PDLIM1: variants seen among roughly 807,000 people sequenced by gnomAD.
PDLIM1 encodes the protein PDZ and LIM domain protein 1.
A neutral mutation model predicts 35.2 loss-of-function variants in PDLIM1; 25 were observed. That is an observed-to-expected ratio of 0.71 (90% confidence interval 0.52 to 0.99). PDLIM1 has a LOEUF of 0.99. Ranked by LOEUF, PDLIM1 falls within the 50% of genes least tolerant of loss-of-function variation. The pLI is 0.00. For synonymous variants in PDLIM1, 152 were observed against 154.0 expected, an observed-to-expected ratio of 0.99 and a Z score of 0.10; for missense variants, 363 against 415.3, an observed-to-expected ratio of 0.87 and a Z score of 1.09.
chr10:95,282,704 C>A (rs529131875), intron 1 of PDLIM1, among the ~76,000 whole-genome samples: 71 of 152,208 alleles, frequency 4.7e-4, no homozygotes, highest in Non-Finnish European at 8.4e-4. Context: ...CTTTGGGAGG[C>A]CGAGATGGGC....
chr10:95,248,593 T>A (rs181462752), intron 4 of PDLIM1, among the ~76,000 whole-genome samples: 3 of 152,358 alleles, frequency 2.0e-5, no homozygotes, highest in Non-Finnish European at 2.9e-5. Context: ...ATGCTGTGGC[T>A]CAATGTATTC....
chr10:95,277,903 T>C (rs2035526772), intron 1 of PDLIM1, among the ~76,000 whole-genome samples: 1 of 152,196 alleles, frequency 6.6e-6, no homozygotes, highest in Non-Finnish European at 1.5e-5. Context: ...CTAACTGGTG[T>C]AAATAAAATC....
intron 2 of PDLIM1, among the ~76,000 whole-genome samples, chr10:95,270,917 A>C (rs1452941561): frequency 6.6e-6 from 1 of 151,422 alleles, no homozygotes; most frequent in African/African-American, 2.4e-5. Context: ...CACCTGGCTA[A>C]TTTTTTAATT....
intron 2 of PDLIM1, 34 bp downstream of exon 2, chr10:95,271,599 T>G (rs760208715): frequency 2.6e-6 from 4 of 1,565,160 alleles, no homozygotes; most frequent in South Asian, 2.4e-5. Flanking sequence ...TTCTAGTCAA[T>G]CAGAAATGAA....
rs2035637946 is a variant in PDLIM1, at chr10:95,290,001, TA to T, written c.96+818del. Among the ~76,000 whole-genome samples the T allele has an allele frequency of 6.6e-6, 1 of 152,148 alleles. No homozygotes were observed. Among genetic ancestry groups the T allele is most frequent in the East Asian group, 1.9e-4 (1 of 5,190 alleles). ...GGTCTCCCTGGGGGTTTCACTTTAT[TA>T]GGGGGGCAATGGTTCTGGTGGCCCC... is the stretch of plus-strand genomic sequence containing the variant. On this transcript the variant is annotated intron_variant, in intron 1 of 6. Transcript: ENST00000329399. This position sits in a 1 kb window ranked among gnomAD's most constrained non-coding sequence, Gnocchi z 4.7.
At chr10:95,288,390 T>C (rs1224887470) in intron 1 of PDLIM1, among the ~76,000 whole-genome samples, 2 of 152,180 alleles carry the variant, frequency 1.3e-5, no homozygotes, top group Non-Finnish European at 2.9e-5. Context: ...TACAAAACTA[T>C]ACCAGCAAAT....
At chr10:95,274,052 G>C (rs932510078) in intron 1 of PDLIM1, among the ~76,000 whole-genome samples, 1 of 152,178 alleles carries the variant, frequency 6.6e-6, no homozygotes, top group Admixed American at 6.6e-5. Flanking sequence ...CAGTTTCAAA[G>C]AGCAGTCCCC....
At chr10:95,258,232 T>A (rs960982731) in intron 4 of PDLIM1, among the ~76,000 whole-genome samples, 4 of 151,636 alleles carry the variant, frequency 2.6e-5, no homozygotes, top group Non-Finnish European at 5.9e-5. Flanking sequence ...CAAGATGGGA[T>A]CTCGGCGGGG....
intron 3 of PDLIM1, among the ~76,000 whole-genome samples, chr10:95,265,184 T>TA (rs2035402105): frequency 6.6e-6 from 1 of 151,582 alleles, no homozygotes; most frequent in Non-Finnish European, 1.5e-5. Context: ...CCTTTTTTGT[T>TA]AAATATTCAA....
At chr10:95,282,067 G>A (rs1045554981) in intron 1 of PDLIM1, among the ~76,000 whole-genome samples, 2 of 152,196 alleles carry the variant, frequency 1.3e-5, no homozygotes, top group South Asian at 2.1e-4. Context: ...CCTAAATAAC[G>A]ATAGTAATAA....
At chr10:95,288,486 A>T (rs959622884) in intron 1 of PDLIM1, among the ~76,000 whole-genome samples, 3 of 151,966 alleles carry the variant, frequency 2.0e-5, no homozygotes, top group South Asian at 2.1e-4. Flanking sequence ...CCTCACTATC[A>T]CTATTTACGG....
chr10:95,288,716 A>G (rs1254842655), intron 1 of PDLIM1, among the ~76,000 whole-genome samples: 2 of 152,312 alleles, frequency 1.3e-5, no homozygotes, highest in South Asian at 2.1e-4. Context: ...CAATTTTTCC[A>G]TGTATTAATA....
intron 4 of PDLIM1, among the ~76,000 whole-genome samples, chr10:95,248,981 C>T (rs1589507480): frequency 6.6e-6 from 1 of 152,368 alleles, no homozygotes; most frequent in South Asian, 2.1e-4. Flanking sequence ...TAACTCCCTA[C>T]CTGCTCTCTC....
chr10:95,270,987 G>A (rs2035460505), intron 2 of PDLIM1, among the ~76,000 whole-genome samples: 1 of 151,766 alleles, frequency 6.6e-6, no homozygotes, highest in Non-Finnish European at 1.5e-5. Context: ...CAGACCTCAA[G>A]TGATTTGTCT....
At chr10:95,243,887 A>G (rs1020145432) in intron 5 of PDLIM1, among the ~76,000 whole-genome samples, 1 of 152,078 alleles carries the variant, frequency 6.6e-6, no homozygotes. Context: ...CACTTATACA[A>G]GGTATTTAGA....
At chr10:95,283,332 T>C (rs1241121363) in intron 1 of PDLIM1, among the ~76,000 whole-genome samples, 1 of 152,190 alleles carries the variant, frequency 6.6e-6, no homozygotes, top group Non-Finnish European at 1.5e-5. Context: ...ACATTGCAAA[T>C]GAGGACACTG....
chr10:95,276,323 C>T (rs1174639477), intron 1 of PDLIM1, among the ~76,000 whole-genome samples: 1 of 152,112 alleles, frequency 6.6e-6, no homozygotes, highest in African/African-American at 2.4e-5. Flanking sequence ...ATCCAGGAGA[C>T]TCATCTGCAG....
chr10:95,272,785 A>G (rs992389331), intron 1 of PDLIM1, among the ~76,000 whole-genome samples: 29 of 152,360 alleles, frequency 1.9e-4, no homozygotes, highest in Non-Finnish European at 3.7e-4. Flanking sequence ...GACTAGGGTC[A>G]TTCCCTATAG....
intron 1 of PDLIM1, among the ~76,000 whole-genome samples, chr10:95,280,811 G>A (rs2035555052): frequency 6.6e-6 from 1 of 152,166 alleles, no homozygotes; most frequent in Admixed American, 6.5e-5. Context: ...CCTTGGAGTT[G>A]GCTCTAAACC....
Sources: gnomAD v4.1 joint callset for allele counts (sites outside exome capture counted in the v4.1 genomes callset) on GRCh38, gnomAD v4.1.1 for gene constraint, Gnocchi (gnomAD v3.1) non-coding constraint, MANE v1.5 for transcripts, NCBI Gene and HGNC (gene_info 2026-07-23, HGNC 2026-07-21) for gene names.